The following RYR2 variants were observed in gnomAD, a reference collection of about 807,000 sequenced individuals.
The protein encoded by RYR2 is ryanodine receptor 2.
A neutral mutation model predicts 601.1 loss-of-function variants in RYR2; 227 were observed. That is an observed-to-expected ratio of 0.38 (90% CI 0.34 to 0.42). The LOEUF is 0.42. Among genes scored for constraint, RYR2 ranks in the 10% least tolerant of loss-of-function variants. The pLI, the probability that RYR2 is intolerant of heterozygous loss-of-function variation, is 1.00. For missense variants in RYR2, 4,646 were observed against 6,156.5 expected (o/e 0.75, Z 8.21); for synonymous variants, 2,223 against 2,175.1 (o/e 1.02, Z -0.61).
intron 12 of RYR2, among the ~76,000 whole-genome samples, chr1:237,429,870 T>C (rs1175106153): frequency 6.6e-6 from 1 of 152,120 alleles, no homozygotes; most frequent in African/African-American, 2.4e-5. Context: ...ATTTCATCTT[T>C]CTTTGTCATG....
At chr1:237,306,496 A>C (rs537839392) in intron 2 of RYR2, among the ~76,000 whole-genome samples, 9 of 152,320 alleles carry the variant, frequency 5.9e-5, no homozygotes, top group African/African-American at 2.2e-4. Flanking sequence ...AGGACATTTA[A>C]ATTGATTTCT....
chr1:237,730,229 C>T (rs1349490993), intron 76 of RYR2, 31 bp from the exon 77 acceptor site: 1 of 1,240,462 alleles, frequency 8.1e-7, no homozygotes, highest in Non-Finnish European at 1.2e-6. Context: ...TTTCTAAACA[C>T]CCTTTTTCTG....
chr1:237,701,338 C>T (rs1687951236), intron 65 of RYR2, among the ~76,000 whole-genome samples: 1 of 152,124 alleles, frequency 6.6e-6, no homozygotes, highest in African/African-American at 2.4e-5. Context: ...CGAGACCAGC[C>T]TGGCCAGTAT....
intron 3 of RYR2, among the ~76,000 whole-genome samples, chr1:237,347,089 G>A (rs1698370657): frequency 6.6e-6 from 1 of 152,132 alleles, no homozygotes; most frequent in African/African-American, 2.4e-5. Context: ...CACTTTGGGA[G>A]GCAGGAGGAT....
intron 1 of RYR2, among the ~76,000 whole-genome samples, chr1:237,247,965 G>GTGA (rs2149260845): frequency 6.6e-6 from 1 of 152,192 alleles, no homozygotes; most frequent in South Asian, 2.1e-4. Context: ...CAGAATCTGA[G>GTGA]TAGAAGTGAT....
At chr1:237,487,093 T>C (rs546375932) in intron 17 of RYR2, among the ~76,000 whole-genome samples, 2 of 152,182 alleles carry the variant, frequency 1.3e-5, no homozygotes, top group Non-Finnish European at 1.5e-5. Flanking sequence ...AATACTGTTA[T>C]GATCTGCCAA....
chr1:237,254,703 G>T (rs1344310364), intron 1 of RYR2, among the ~76,000 whole-genome samples: 1 of 152,116 alleles, frequency 6.6e-6, no homozygotes, highest in Non-Finnish European at 1.5e-5. Flanking sequence ...TTACACATGG[G>T]TCTCATCTGC....
At chr1:237,304,478 C>A (rs984954480) in intron 2 of RYR2, among the ~76,000 whole-genome samples, 1 of 152,166 alleles carries the variant, frequency 6.6e-6, no homozygotes, top group African/African-American at 2.4e-5. Flanking sequence ...AATCTCTGTA[C>A]GTAAACTCAG....
intron 2 of RYR2, among the ~76,000 whole-genome samples, chr1:237,294,970 T>C (rs1692609405): frequency 6.6e-6 from 1 of 152,116 alleles, no homozygotes; most frequent in Non-Finnish European, 1.5e-5. Flanking sequence ...TCCCAGCAGT[T>C]TGGGAGACTG....
In RYR2 at chr1:237,610,527, C is replaced by G. The variant is rs950103438; in HGVS notation, c.4684-235C>G. ...TTCAGTATATGGGAAAGACACATCC[C>G]GAAACCTGTTTGACTGCCCGGAAGG... On this transcript the variant is annotated intron_variant, in intron 35 of 104. Coordinates refer to ENST00000366574, the MANE Select transcript of RYR2 (RefSeq NM_001035.3). This position sits in a 1 kb window ranked among gnomAD's most constrained non-coding sequence, Gnocchi z 4.9. Among the ~76,000 whole-genome samples the G allele has an allele frequency of 6.6e-6, 1 of 152,138 alleles. No individual in the cohort carries two copies. Among genetic ancestry groups the G allele is most frequent in the Admixed American group, 6.5e-5 (1 of 15,274 alleles).
chr1:237,656,311 C>T (rs1230694545), intron 53 of RYR2, among the ~76,000 whole-genome samples: 1 of 151,996 alleles, frequency 6.6e-6, no homozygotes. Flanking sequence ...CGACAATCAA[C>T]CTCTATATAA....
At chr1:237,366,723 A>G (rs976224052) in intron 5 of RYR2, among the ~76,000 whole-genome samples, 1 of 151,954 alleles carries the variant, frequency 6.6e-6, no homozygotes, top group Non-Finnish European at 1.5e-5. Flanking sequence ...ATATATATAT[A>G]TATGAAATGT....
chr1:237,480,959 G>C (rs1396244255), intron 17 of RYR2, among the ~76,000 whole-genome samples: 1 of 151,640 alleles, frequency 6.6e-6, no homozygotes, highest in Non-Finnish European at 1.5e-5. Flanking sequence ...CCTTTTTGGA[G>C]CTTTATGAGT....
chr1:237,509,334 A>G (rs890005065), intron 23 of RYR2, among the ~76,000 whole-genome samples: 5 of 152,202 alleles, frequency 3.3e-5, no homozygotes, highest in South Asian at 2.1e-4. Context: ...TGTGATGTCA[A>G]TTATTCTAGA....
At chr1:237,421,843 A>T (rs1419527846) in intron 11 of RYR2, among the ~76,000 whole-genome samples, 1 of 152,026 alleles carries the variant, frequency 6.6e-6, no homozygotes, top group African/African-American at 2.4e-5. Context: ...TACAACATTC[A>T]TTATTTTTAG....
At chr1:237,695,402 T>A (rs534317824) in intron 63 of RYR2, among the ~76,000 whole-genome samples, 1 of 152,118 alleles carries the variant, frequency 6.6e-6, no homozygotes, top group African/African-American at 2.4e-5. Flanking sequence ...TGCTCAGAGG[T>A]GATGAGAGGT....
chr1:237,603,494 C>T (rs1012986963), intron 35 of RYR2, among the ~76,000 whole-genome samples: 11 of 152,200 alleles, frequency 7.2e-5, no homozygotes, highest in South Asian at 2.1e-4. Context: ...TAAAGACCAT[C>T]GATGCTAGGA....
chr1:237,791,273 C>T (rs535739356), intron 92 of RYR2, among the ~76,000 whole-genome samples, 156 bp from the exon 93 acceptor site: 2 of 152,296 alleles, frequency 1.3e-5, no homozygotes, highest in Non-Finnish European at 2.9e-5. Flanking sequence ...GAAATGTTCT[C>T]CCTCACTTTT....
chr1:237,766,052 A>C (rs752993475), intron 84 of RYR2, among the ~76,000 whole-genome samples: 13 of 152,194 alleles, frequency 8.5e-5, no homozygotes, highest in Non-Finnish European at 1.9e-4. Flanking sequence ...TTCCAATGCG[A>C]GGGAACAGCA....
Sources: allele counts gnomAD v4.1 joint callset (sites outside exome capture counted in the v4.1 genomes callset), GRCh38; gene constraint gnomAD v4.1.1; non-coding constraint Gnocchi (gnomAD v3.1); transcripts MANE v1.5; gene names NCBI Gene and HGNC (gene_info 2026-07-23, HGNC 2026-07-21).